SAMD11: variants seen among roughly 807,000 people sequenced by gnomAD.
SAMD11 encodes the protein sterile alpha motif domain containing 11.
In SAMD11, 77 loss-of-function variants were observed where a neutral mutation model predicts 64.4. The observed-to-expected ratio is 1.20, with a 90% CI of 0.99 to 1.44. The LOEUF is 1.44. SAMD11 is among the 40% of genes most tolerant of loss of function. The probability of loss-of-function intolerance (pLI) is 0.00; values close to 1 mark genes in which losing one functional copy is unlikely to be tolerated. For synonymous variants in SAMD11, 658 were observed against 421.9 expected (o/e 1.56, Z -6.86); for missense variants, 1,402 against 943.3 (o/e 1.49, Z -6.37).
At chr1:936,872 T>C (rs1373982858) in intron 5 of SAMD11, among the ~76,000 whole-genome samples, 1 of 152,076 alleles carries the variant, frequency 6.6e-6, no homozygotes. Flanking sequence ...AGCCCCACAA[T>C]GATTGAGATA....
At chr1:935,362 G>A (rs1164717346) in intron 4 of SAMD11, among the ~76,000 whole-genome samples, 1 of 152,132 alleles carries the variant, frequency 6.6e-6, no homozygotes, top group African/African-American at 2.4e-5. Flanking sequence ...GTTCACATGT[G>A]GCACATTCTC....
chr1:925,996 C>T lies in SAMD11; in HGVS notation c.592C>T (p.Arg198Ter). 2 of 1,611,890 alleles carry T rather than the reference C, an allele frequency of 1.2e-6. No individual in the cohort carries two copies. Among genetic ancestry groups the T allele is most frequent in the Non-Finnish European group, 1.7e-6 (2 of 1,179,924 alleles). Residue 198 changes from arginine to a stop codon, truncating the protein, a stop_gained, in exon 2 of 14, where the codon CGA becomes TGA. Coordinates refer to ENST00000616016, the MANE Select transcript of SAMD11 (RefSeq NM_001385641.1). LOFTEE classifies it high-confidence loss of function. ...TCCGATCTGCGACTGCCCGGGCTGCCGAATATCCTCCCCGGTGGTGAGATG... is the reference window on the plus strand; with the variant it reads ...TCCGATCTGCGACTGCCCGGGCTGCTGAATATCCTCCCCGGTGGTGAGATG... Reference protein sequence around the residue: ...HPPICDCPGCRISSPVNRGRL... With the variant: ...HPPICDCPGC
rs940241544 is a variant in SAMD11, at chr1:942,100, CGG to C, written c.1359-30_1359-29del. On this transcript the variant is annotated intron_variant, in intron 8 of 13. Transcript: ENST00000616016. ...GCCGGGGCCTTTACGGGAACGGGGGCGGGGGGGACGCCGCTCATTGCGCTGCC... is the reference window on the plus strand; with the variant it reads ...GCCGGGGCCTTTACGGGAACGGGGGCGGGGGACGCCGCTCATTGCGCTGCC... The C allele has an allele frequency of 4.3e-5, 26 of 606,108 alleles. No homozygotes were observed. The African/African-American group carries it at 4.3e-4, about 10-fold the overall frequency. 37.5% of individuals were successfully genotyped at this position (606,108 alleles called of 1,614,324 possible).
chr1:944,391 G>C lies in SAMD11; in HGVS notation c.*238G>C. 4 of 1,276,636 alleles carry C rather than the reference G, an allele frequency of 3.1e-6. No homozygotes were observed. The highest frequency in any genetic ancestry group is 4.0e-5 in the South Asian group (2 of 50,478). The allele number at this position is 1,276,636 out of a possible 1,614,324, so 79.1% of individuals were successfully genotyped here. ...AGGGCAGAGGTGGTGGAAGGGGCCA[G>C]GGGCCTGCAGGCCTCCCCCTGGAAC... On this transcript the variant is annotated 3_prime_UTR_variant, in exon 14 of 14. Transcript: ENST00000616016.
intron 4 of SAMD11, among the ~76,000 whole-genome samples, chr1:932,705 C>T (rs1183049488): frequency 6.6e-6 from 1 of 152,250 alleles, no homozygotes; most frequent in African/African-American, 2.4e-5. Flanking sequence ...TCATTTGCTC[C>T]CGTCCAGTGG....
chr1:944,234 A>G lies in SAMD11; in HGVS notation c.*81A>G, dbSNP rs544040354. 4.8e-6 allele frequency: 7 copies of G among 1,457,988 alleles called. No individual in the cohort carries two copies. In the South Asian group the frequency reaches 1.1e-4, roughly 24 times the overall value. The allele number at this position is 1,457,988 out of a possible 1,614,324, so 90.3% of individuals were successfully genotyped here. A position where few individuals can be genotyped will look rare whatever the true frequency, so the allele number is the denominator to read the frequency against. ...CAATGGCCCTGCCTCCCACCGCTTT[A>G]TTTCTTTCGGTTTCGGATGCAAAAC... On this transcript the variant is annotated 3_prime_UTR_variant, in exon 14 of 14. Transcript: ENST00000616016.
At chr1:932,337 C>G (rs570198461) in intron 4 of SAMD11, among the ~76,000 whole-genome samples, 2 of 152,310 alleles carry the variant, frequency 1.3e-5, no homozygotes, top group African/African-American at 4.8e-5. Flanking sequence ...GGGAATGCAG[C>G]GTCCCTCGGC....
At chr1:935,630 A>G (rs538616623) in intron 4 of SAMD11, 142 bp from the exon 5 acceptor site, 9 of 1,147,082 alleles carry the variant, frequency 7.8e-6, no homozygotes, top group Non-Finnish European at 1.1e-5. Context: ...CACGGGCCAC[A>G]TGCCGAGGCG....
Position 942,308 on chromosome 1 carries a change from C to T in SAMD11, c.1474+57C>T. 2.9e-6 allele frequency: 3 copies of T among 1,051,798 alleles called. No individual in the cohort carries two copies. The South Asian group carries it at 6.1e-5, about 21-fold the overall frequency. The allele number at this position is 1,051,798 out of a possible 1,614,324, so 65.2% of individuals were successfully genotyped here. On this transcript the variant is annotated intron_variant, in intron 9 of 13. Transcript: ENST00000616016. ...CCGCGTGGAGGCTCGCGGACCCGGC[C>T]CTGCCCCTGTCGGAGCCGAGACGGA...
intron 12 of SAMD11, 128 bp downstream of exon 12, chr1:943,505 G>T: frequency 1.0e-6 from 1 of 986,716 alleles, no homozygotes; most frequent in Non-Finnish European, 1.5e-6. Flanking sequence ...TGCGCAGCAG[G>T]GACTGGACTG....
At chr1:941,742 A>G (rs905427310) in intron 8 of SAMD11, among the ~76,000 whole-genome samples, 1 of 151,106 alleles carries the variant, frequency 6.6e-6, no homozygotes, top group East Asian at 2.0e-4. Context: ...GGGCGCCTGG[A>G]GAAGGGAGGG....
intron 5 of SAMD11, 129 bp downstream of exon 5, chr1:936,025 G>T (rs987321335): frequency 5.3e-6 from 5 of 951,448 alleles, no homozygotes; most frequent in African/African-American, 1.6e-5. Context: ...TCCCCCAGGG[G>T]CTGCATGGGA....
chr1:935,878 A>T lies in SAMD11; in HGVS notation c.949A>T (p.Ile317Phe). 1.9e-6 allele frequency: 3 copies of T among 1,612,608 alleles called. No homozygotes were observed. The South Asian group carries it at 3.3e-5, about 18-fold the overall frequency. Residue 317 changes from isoleucine (I) to phenylalanine (F), a missense_variant, in exon 5 of 14, where the codon ATT becomes TTT. Physicochemically the swap from Ile to Phe is conservative, Grantham distance 21 (BLOSUM62 0). Transcript: ENST00000616016. ...RCEFQRGSLEIGLRPAGDLLG... is the reference protein window; with the variant it reads ...RCEFQRGSLEFGLRPAGDLLG... ...TGAATTCCAGAGAGGCAGCCTGGAG[A>T]TTGGCCTGCGACCCGCCGGTGAGGA...
At position 942,940 on chromosome 1, in the gene SAMD11, G is replaced by A. The variant is rs920502527; in HGVS notation, c.1935G>A (p.Arg645=). 46 of 1,553,476 alleles carry A rather than the reference G, an allele frequency of 3.0e-5. No individual in the cohort carries two copies. Among genetic ancestry groups the A allele is most frequent in the Non-Finnish European group, 3.7e-5 (43 of 1,150,128 alleles). The change falls in exon 11 of 14, where the codon AGG becomes AGA. Residue 645 remains arginine, a synonymous_variant. Transcript: ENST00000616016. ...EDPETAAVGC[R]GPTPGQAPAG... ...CCGAGACGGCAGCTGTTGGGTGCAG[G>A]GGGCCCACTCCGGGCCAAGCTCCAG...
rs2100282533 is a variant in SAMD11, at chr1:924,335, C to T, written c.-97C>T. 6.7e-6 allele frequency: 1 copy of T among 149,594 alleles called. No individual in the cohort carries two copies. The highest frequency in any genetic ancestry group is 1.9e-4 in the East Asian group (1 of 5,136). 9.3% of individuals were successfully genotyped at this position (149,594 alleles called of 1,614,324 possible). ...CTAGCGGACGGCGTGGGCGCGCGGC[C>T]AGGCGCCTCCCCGGCCCCCGCGACC... is the stretch of plus-strand genomic sequence containing the variant. On this transcript the variant is annotated 5_prime_UTR_variant, in exon 1 of 14. Coordinates refer to ENST00000616016, the MANE Select transcript of SAMD11 (RefSeq NM_001385641.1).
chr1:928,132 G>C (rs1267634178), intron 2 of SAMD11, among the ~76,000 whole-genome samples: 3 of 152,192 alleles, frequency 2.0e-5, no homozygotes, highest in African/African-American at 2.4e-5. Flanking sequence ...GGTGGCGCAT[G>C]CCTGTAATCC....
intron 11 of SAMD11, 66 bp from the exon 12 acceptor site, chr1:943,187 A>G (rs1569919606): frequency 6.2e-7 from 1 of 1,607,102 alleles, no homozygotes; most frequent in Non-Finnish European, 8.5e-7. Context: ...GGGGCACACG[A>G]CGGTCAGGAG....
At chr1:925,727 A>C in intron 1 of SAMD11, 195 bp from the exon 2 acceptor site, 1 of 543,396 alleles carries the variant, frequency 1.8e-6, no homozygotes, top group Non-Finnish European at 3.3e-6. Context: ...CCCGGGCTGG[A>C]GTTGCAGAGC....
rs1316193592 is a variant in SAMD11, at chr1:924,814, A to T, written c.383A>T (p.Tyr128Phe). ...TGCGGCGCCAACCGCGCGCTGCTCT[A>T]CGTGCGCAAACTCTGCCAGGGCAGC... Reference protein sequence around the residue: ...VECGANRALLYVRKLCQGSKG... With the variant: ...VECGANRALLFVRKLCQGSKG... Residue 128 changes from tyrosine to phenylalanine, a missense_variant, in exon 1 of 14, where the codon TAC becomes TTC. Transcript: ENST00000616016. The T allele has an allele frequency of 6.6e-6, 1 of 152,016 alleles. No homozygotes were observed. The highest frequency in any genetic ancestry group is 1.5e-5 in the Non-Finnish European group (1 of 68,000). 9.4% of individuals were successfully genotyped at this position (152,016 alleles called of 1,614,324 possible). A position where few individuals can be genotyped will look rare whatever the true frequency, so the allele number is the denominator to read the frequency against.
Sources: allele counts gnomAD v4.1 joint callset (sites outside exome capture counted in the v4.1 genomes callset), GRCh38; gene constraint gnomAD v4.1.1; transcripts MANE v1.5; gene names NCBI Gene and HGNC (gene_info 2026-07-23, HGNC 2026-07-21).